MTUS2: variants seen among roughly 807,000 people sequenced by gnomAD.
MTUS2 encodes microtubule-associated tumor suppressor candidate 2.
A neutral mutation model predicts 114.1 loss-of-function variants in MTUS2; 40 were observed. The ratio of observed to expected loss-of-function variants is 0.35; its 90% CI spans 0.27 to 0.46. The LOEUF is 0.46. Ranked by LOEUF, MTUS2 falls within the 20% of genes least tolerant of loss-of-function variation. The pLI, the probability that MTUS2 is intolerant of heterozygous loss-of-function variation, is 1.00. For synonymous variants in MTUS2, 688 were observed against 672.0 expected (o/e 1.02, Z -0.37); for missense variants, 1,679 against 1,705.4 (o/e 0.98, Z 0.27).
At chr13:29,179,440 C>T (rs540164714) in intron 5 of MTUS2, among the ~76,000 whole-genome samples, 44 of 152,094 alleles carry the variant, frequency 2.9e-4, no homozygotes, top group African/African-American at 1.0e-3. Context: ...GTTTCGAGGA[C>T]AATGCCATTG....
chr13:28,821,585 T>G (rs1351598923), intron 1 of MTUS2, among the ~76,000 whole-genome samples: 1 of 152,162 alleles, frequency 6.6e-6, no homozygotes, highest in Non-Finnish European at 1.5e-5. Flanking sequence ...GTAGAAAACA[T>G]CAGATATACT....
intron 5 of MTUS2, among the ~76,000 whole-genome samples, chr13:29,215,032 C>T (rs559279936): frequency 1.3e-5 from 2 of 151,954 alleles, no homozygotes; most frequent in South Asian, 4.2e-4. Flanking sequence ...CACATAGTCC[C>T]ATATTTCTTG....
intron 8 of MTUS2, among the ~76,000 whole-genome samples, chr13:29,383,238 G>A (rs1234953621): frequency 7.9e-4 from 19 of 24,100 alleles, no homozygotes; most frequent in African/African-American, 1.2e-3. Flanking sequence ...GTGTGTGTGT[G>A]TGTGTGTGTG....
chr13:29,152,707 A>G (rs1892709536), intron 5 of MTUS2, among the ~76,000 whole-genome samples: 2 of 151,936 alleles, frequency 1.3e-5, no homozygotes, highest in Admixed American at 6.6e-5. Flanking sequence ...TCCCCGAGAG[A>G]GAGAAATCAG....
intron 2 of MTUS2, among the ~76,000 whole-genome samples, chr13:28,965,091 G>A (rs998102922): frequency 5.3e-5 from 8 of 152,122 alleles, no homozygotes; most frequent in Non-Finnish European, 1.5e-5. Context: ...GTTTTAACCC[G>A]TGTTGTCATA....
intron 4 of MTUS2, among the ~76,000 whole-genome samples, chr13:29,100,466 C>A (rs1366653956): frequency 6.6e-6 from 1 of 152,164 alleles, no homozygotes; most frequent in Non-Finnish European, 1.5e-5. Flanking sequence ...GTCTTAAGCA[C>A]TTGATACCTT....
intron 5 of MTUS2, among the ~76,000 whole-genome samples, chr13:29,184,409 C>T (rs987199571): frequency 7.9e-5 from 12 of 152,144 alleles, no homozygotes; most frequent in Non-Finnish European, 1.8e-4. Flanking sequence ...AAAGACCATG[C>T]TTCTACCTAG....
chr13:28,988,663 A>T (rs1884693737), intron 2 of MTUS2, among the ~76,000 whole-genome samples: 1 of 152,218 alleles, frequency 6.6e-6, no homozygotes. Flanking sequence ...GTTATTTCAG[A>T]AAATGTAATT....
At chr13:29,305,796 C>A (rs983065533) in intron 6 of MTUS2, among the ~76,000 whole-genome samples, 2 of 152,148 alleles carry the variant, frequency 1.3e-5, no homozygotes, top group South Asian at 4.2e-4. Flanking sequence ...ATGAGGCCAG[C>A]GTTATCCTGA....
chr13:28,970,676 C>T (rs1846570071), intron 2 of MTUS2, among the ~76,000 whole-genome samples: 1 of 152,218 alleles, frequency 6.6e-6, no homozygotes, highest in Non-Finnish European at 1.5e-5. Flanking sequence ...CATTTGTGCT[C>T]TCTGAGAAGA....
intron 2 of MTUS2, among the ~76,000 whole-genome samples, chr13:28,997,829 C>G (rs892403480): frequency 1.3e-5 from 2 of 152,076 alleles, no homozygotes; most frequent in African/African-American, 2.4e-5. Context: ...AATGATGGGT[C>G]TTGACTCTTT....
chr13:28,860,209 T>C (rs895745432), intron 2 of MTUS2, among the ~76,000 whole-genome samples: 6 of 152,236 alleles, frequency 3.9e-5, no homozygotes, highest in African/African-American at 1.4e-4. Context: ...TGTTTCTTTT[T>C]TCCTGATAAC....
intron 2 of MTUS2, among the ~76,000 whole-genome samples, chr13:28,966,068 A>T (rs1373295780): frequency 1.3e-5 from 2 of 152,220 alleles, no homozygotes; most frequent in African/African-American, 4.8e-5. Flanking sequence ...GGTAAAAATG[A>T]AATGTTTATA....
intron 7 of MTUS2, among the ~76,000 whole-genome samples, chr13:29,330,057 CCCA>C (rs1371123314): frequency 6.6e-6 from 1 of 152,200 alleles, no homozygotes; most frequent in African/African-American, 2.4e-5. Context: ...AATTTACACT[CCCA>C]CCAACAGTAT....
intron 2 of MTUS2, among the ~76,000 whole-genome samples, chr13:28,995,506 A>G (rs1191306562): frequency 2.0e-5 from 3 of 152,138 alleles, no homozygotes; most frequent in East Asian, 1.9e-4. Context: ...GGCCATTTTC[A>G]CGATATTGAT....
chr13:28,946,599 A>G (rs1348258144), intron 2 of MTUS2, among the ~76,000 whole-genome samples: 1 of 152,200 alleles, frequency 6.6e-6, no homozygotes, highest in Non-Finnish European at 1.5e-5. Flanking sequence ...GATAGAACCG[A>G]AAGTTGTTTT....
At chr13:29,112,729 C>G (rs1051103033) in intron 5 of MTUS2, among the ~76,000 whole-genome samples, 1 of 151,882 alleles carries the variant, frequency 6.6e-6, no homozygotes, top group African/African-American at 2.4e-5. Context: ...GGAGGGAATG[C>G]TATTTAATAT....
At chr13:28,944,796 G>C (rs972396794) in intron 2 of MTUS2, among the ~76,000 whole-genome samples, 2 of 152,138 alleles carry the variant, frequency 1.3e-5, no homozygotes, top group African/African-American at 4.8e-5. Flanking sequence ...AACACCATTC[G>C]TGATAGGTAC....
chr13:28,839,243 AATTAAT>A (rs960477199), intron 1 of MTUS2, among the ~76,000 whole-genome samples: 9 of 152,168 alleles, frequency 5.9e-5, no homozygotes, highest in African/African-American at 2.2e-4. Flanking sequence ...TTAACGATTT[AATTAAT>A]ATTAATGTTG....
Sources: allele counts gnomAD v4.1 joint callset (sites outside exome capture counted in the v4.1 genomes callset), GRCh38; gene constraint gnomAD v4.1.1; transcripts MANE v1.5; gene names NCBI Gene and HGNC (gene_info 2026-07-23, HGNC 2026-07-21).